The following L3MBTL4 variants were observed in gnomAD, a reference collection of about 807,000 sequenced individuals.
L3MBTL4 encodes the protein L3MBTL histone methyl-lysine binding protein 4.
L3MBTL4 carries 70 observed loss-of-function variants against 84.5 expected under a neutral mutation model. The observed-to-expected ratio is 0.83, with a 90% CI of 0.68 to 1.01. L3MBTL4 has a LOEUF of 1.01. Ranked by LOEUF, L3MBTL4 falls within the 50% of genes least tolerant of loss-of-function variation. The pLI is 0.00. For synonymous variants in L3MBTL4, 274 were observed against 259.8 expected (o/e 1.05, Z -0.52); for missense variants, 715 against 754.8 (o/e 0.95, Z 0.62).
rs1238426852 is a variant in L3MBTL4 at position 6,272,445 on chromosome 18, ACAGTTCT to A, written c.128-8414_128-8408del. On this transcript the variant is annotated intron_variant, in intron 4 of 18. Transcript: ENST00000317931. ...TAGGACTGAATATAAGGAACACAGA[ACAGTTCT>A]GACAGCCCCACTGCATTAAACTGGT... is the stretch of plus-strand genomic sequence containing the variant. Among the ~76,000 whole-genome samples, 11 of 141,110 alleles carry A rather than the reference ACAGTTCT, an allele frequency of 7.8e-5. No individual in the cohort carries two copies. In the East Asian group the frequency reaches 1.1e-3, roughly 14 times the overall value. The allele number at this position is 141,110 out of a possible 152,430, so 92.6% of individuals were successfully genotyped here.
intron 12 of L3MBTL4, among the ~76,000 whole-genome samples, chr18:6,188,642 C>G (rs1224269672): frequency 6.6e-6 from 1 of 152,164 alleles, no homozygotes; most frequent in African/African-American, 2.4e-5. Context: ...AAACCTGACA[C>G]AGGGGGATGG....
chr18:5,968,638 A>G (rs2052473437), intron 17 of L3MBTL4, among the ~76,000 whole-genome samples: 1 of 152,116 alleles, frequency 6.6e-6, no homozygotes. Flanking sequence ...TCAAGGCTGC[A>G]GTGAGCTATG....
At chr18:6,083,604 T>C (rs1415025172) in intron 15 of L3MBTL4, among the ~76,000 whole-genome samples, 1 of 152,226 alleles carries the variant, frequency 6.6e-6, no homozygotes, top group Non-Finnish European at 1.5e-5. Context: ...TTAGCTAAAA[T>C]AGTCTCAATC....
chr18:6,085,594 T>C (rs1370571462), intron 15 of L3MBTL4, among the ~76,000 whole-genome samples: 4 of 152,162 alleles, frequency 2.6e-5, no homozygotes, highest in African/African-American at 9.7e-5. Context: ...CTGATGGTTT[T>C]ATTAGTGTTT....
intron 17 of L3MBTL4, among the ~76,000 whole-genome samples, chr18:5,966,002 G>T (rs2052336009): frequency 6.6e-6 from 1 of 152,152 alleles, no homozygotes; most frequent in South Asian, 2.1e-4. Context: ...CCAGCAGCAA[G>T]GGCTGAGATT....
chr18:5,956,218 A>T lies in L3MBTL4; in HGVS notation c.*2T>A. 6.2e-7 allele frequency: 1 copy of T among 1,611,612 alleles called. No homozygotes were observed. Among genetic ancestry groups the T allele is most frequent in the Non-Finnish European group, 8.5e-7 (1 of 1,178,870 alleles). On this transcript the variant is annotated 3_prime_UTR_variant, in exon 19 of 19. Transcript: ENST00000317931. ...GTGCCAGAGGAAGTTCAGGGAGCCC[A>T]TTCATCCCCTGACTTCTTGGCCTGA...
chr18:6,101,305 G>A (rs749054913), intron 14 of L3MBTL4, among the ~76,000 whole-genome samples: 18 of 152,236 alleles, frequency 1.2e-4, no homozygotes, highest in East Asian at 1.9e-4. Context: ...GCTGGTCTGC[G>A]TCCTTCTCTC....
chr18:6,196,349 C>T (rs561851385), intron 12 of L3MBTL4, among the ~76,000 whole-genome samples: 4 of 151,908 alleles, frequency 2.6e-5, no homozygotes, highest in East Asian at 1.9e-4. Flanking sequence ...AGTAAAGACG[C>T]GGTTTCACCG....
At chr18:6,245,015 T>A (rs976015909) in intron 5 of L3MBTL4, among the ~76,000 whole-genome samples, 2 of 152,158 alleles carry the variant, frequency 1.3e-5, no homozygotes, top group Non-Finnish European at 2.9e-5. Context: ...GTTCAAGTGA[T>A]TCTCCTGTCT....
At chr18:6,392,630 T>C (rs534929444) in intron 1 of L3MBTL4, among the ~76,000 whole-genome samples, 23 of 152,246 alleles carry the variant, frequency 1.5e-4, no homozygotes, top group South Asian at 2.1e-4. Flanking sequence ...TCTCACCCTA[T>C]ACAAAAATCA....
At position 6,080,963 on chromosome 18, in the gene L3MBTL4, A is replaced by C; in HGVS notation, c.1374-12T>G. The C allele has an allele frequency of 6.3e-7, 1 of 1,586,118 alleles. No homozygotes were observed. Among genetic ancestry groups the C allele is most frequent in the African/African-American group, 1.3e-5 (1 of 74,658 alleles). ...CCTGCTGTACAAGTCTGGGCAAAGA[A>C]CAGAAATAAAATCTAGATTCATTAT... is the stretch of plus-strand genomic sequence containing the variant. On this transcript the variant is annotated splice_polypyrimidine_tract_variant and intron_variant, in intron 15 of 18. Transcript: ENST00000317931.
intron 3 of L3MBTL4, among the ~76,000 whole-genome samples, chr18:6,309,692 GA>G (rs1474614951): frequency 6.6e-6 from 1 of 152,174 alleles, no homozygotes; most frequent in Non-Finnish European, 1.5e-5. Context: ...TCTTTAAGAG[GA>G]AATTGGGATT....
At chr18:6,393,182 T>C (rs1188935719) in intron 1 of L3MBTL4, among the ~76,000 whole-genome samples, 3 of 152,228 alleles carry the variant, frequency 2.0e-5, no homozygotes, top group Non-Finnish European at 4.4e-5. Flanking sequence ...TCACACATTA[T>C]ATGAATCACA....
intron 16 of L3MBTL4, among the ~76,000 whole-genome samples, chr18:6,056,448 G>A (rs2057025069): frequency 6.6e-6 from 1 of 152,180 alleles, no homozygotes; most frequent in Non-Finnish European, 1.5e-5. Context: ...GGCTCCCTCT[G>A]AAGTGTTATT....
intron 7 of L3MBTL4, 98 bp from the exon 8 acceptor site, chr18:6,241,547 T>C: frequency 1.6e-6 from 1 of 643,810 alleles, no homozygotes; most frequent in Non-Finnish European, 2.7e-6. Flanking sequence ...GTTTTGGCCA[T>C]TACTTTTAAT....
chr18:6,030,864 A>G, intron 16 of L3MBTL4: 2 of 985,118 alleles, frequency 2.0e-6, no homozygotes, highest in Admixed American at 6.1e-5. Flanking sequence ...CTGAAACTGC[A>G]CTGTAGGATA....
chr18:6,097,666 C>A (rs1328121787), intron 14 of L3MBTL4, among the ~76,000 whole-genome samples: 2 of 152,152 alleles, frequency 1.3e-5, no homozygotes, highest in Non-Finnish European at 2.9e-5. Flanking sequence ...GAAGCAGTGC[C>A]CCGGTCTGAT....
intron 1 of L3MBTL4, among the ~76,000 whole-genome samples, chr18:6,325,560 A>G (rs1318961549): frequency 6.6e-6 from 1 of 152,206 alleles, no homozygotes; most frequent in Non-Finnish European, 1.5e-5. Flanking sequence ...GGCAAACTAT[A>G]TAAGTAGTAT....
chr18:5,984,212 C>T (rs1407991289), intron 16 of L3MBTL4, among the ~76,000 whole-genome samples: 1 of 152,206 alleles, frequency 6.6e-6, no homozygotes, highest in Non-Finnish European at 1.5e-5. Context: ...GCACCCTGCC[C>T]ATCTGAAATT....
Sources: allele counts gnomAD v4.1 joint callset (sites outside exome capture counted in the v4.1 genomes callset), GRCh38; gene constraint gnomAD v4.1.1; transcripts MANE v1.5; gene names NCBI Gene and HGNC (gene_info 2026-07-23, HGNC 2026-07-21).